Variants in TP53INP1 observed in about 807,000 individuals in gnomAD.
TP53INP1 encodes tumor protein p53-inducible nuclear protein 1.
Under a neutral mutation model 21.0 loss-of-function variants are expected in TP53INP1, and 12 were observed. The ratio of observed to expected loss-of-function variants is 0.57; its 90% CI spans 0.37 to 0.93. The LOEUF (loss-of-function observed/expected upper bound fraction) is 0.93. TP53INP1 is among the 40% of genes least tolerant of loss of function. TP53INP1 has a pLI of 0.01. For missense variants in TP53INP1, 274 were observed against 294.7 expected, an observed-to-expected ratio of 0.93 and a Z score of 0.51; for synonymous variants, 91 against 94.8, an observed-to-expected ratio of 0.96 and a Z score of 0.23.
intron 3 of TP53INP1, chr8:94,939,657 C>T (rs1563730092): frequency 1.4e-6 from 1 of 720,610 alleles, no homozygotes; most frequent in African/African-American, 1.8e-5. Context: ...CTTGGCCTCC[C>T]AAAGTGCTGG....
chr8:94,937,003 C>A (rs1586720662), intron 3 of TP53INP1, among the ~76,000 whole-genome samples: 1 of 152,194 alleles, frequency 6.6e-6, no homozygotes, highest in East Asian at 1.9e-4. Flanking sequence ...TGCTGGTAGC[C>A]CTGGGGAGCT....
chr8:94,939,347 T>C (rs551971898), intron 3 of TP53INP1, among the ~76,000 whole-genome samples: 4 of 152,344 alleles, frequency 2.6e-5, no homozygotes, highest in African/African-American at 9.6e-5. Flanking sequence ...AGAATGCTAT[T>C]ATATAACTGG....
intron 3 of TP53INP1, among the ~76,000 whole-genome samples, chr8:94,935,185 A>C (rs1293007339): frequency 6.6e-6 from 1 of 152,098 alleles, no homozygotes; most frequent in Non-Finnish European, 1.5e-5. Context: ...ATAATACAAT[A>C]CTTTTCTTAG....
At chr8:94,940,287 C>T in intron 2 of TP53INP1, 67 bp from the exon 3 acceptor site, 1 of 1,511,632 alleles carries the variant, frequency 6.6e-7, no homozygotes, top group South Asian at 1.3e-5. Context: ...ATGATTATCA[C>T]ATTGGGCAGT....
intron 1 of TP53INP1, among the ~76,000 whole-genome samples, chr8:94,943,421 A>G (rs909521204): frequency 6.6e-6 from 1 of 152,200 alleles, no homozygotes; most frequent in African/African-American, 2.4e-5. Context: ...TCCAGGTTCA[A>G]GGATGCAGTA....
At chr8:94,947,786 G>C (rs1028929846) in intron 1 of TP53INP1, among the ~76,000 whole-genome samples, 1 of 152,240 alleles carries the variant, frequency 6.6e-6, no homozygotes, top group African/African-American at 2.4e-5. Flanking sequence ...GCAATGGCAG[G>C]AAAGAACAAA....
At chr8:94,932,032 A>T in intron 3 of TP53INP1, 2 of 1,593,918 alleles carry the variant, frequency 1.3e-6, no homozygotes, top group Non-Finnish European at 1.7e-6. Flanking sequence ...CTCCCTATGC[A>T]TACATATATC....
Position 94,940,010 on chromosome 8 carries a change from C to T in TP53INP1, c.323G>A (p.Gly108Glu), listed in dbSNP as rs1250818876. ...ITPPPCFTAG[G>E]LTTIKVETSP... Reference sequence around the variant, plus strand: ...TGTTTCCACCTTGATAGTGGTTAATCCACCTGCAGTAAAACATGGGGGTGG... The same window carrying T: ...TGTTTCCACCTTGATAGTGGTTAATTCACCTGCAGTAAAACATGGGGGTGG... The change falls in exon 3 of 4, where the codon GGA becomes GAA. Residue 108 changes from glycine to glutamate, a missense_variant. By Grantham distance (98) the Gly-to-Glu change is moderately conservative. Coordinates refer to ENST00000342697, the MANE Select transcript of TP53INP1 (RefSeq NM_033285.4). The T allele has an allele frequency of 6.2e-7, 1 of 1,614,054 alleles. No homozygotes were observed. The highest frequency in any genetic ancestry group is 1.3e-5 in the African/African-American group (1 of 74,918).
chr8:94,938,017 A>G (rs1451318065), intron 3 of TP53INP1, among the ~76,000 whole-genome samples: 3 of 152,218 alleles, frequency 2.0e-5, no homozygotes, highest in African/African-American at 7.2e-5. Flanking sequence ...ATGAAGAGAA[A>G]GAAGATAAAA....
chr8:94,930,983 T>A (rs1017327493), intron 3 of TP53INP1, among the ~76,000 whole-genome samples: 1 of 152,220 alleles, frequency 6.6e-6, no homozygotes, highest in South Asian at 2.1e-4. Context: ...TTTCTAAAAA[T>A]ACACTTTAAA....
chr8:94,931,587 T>TACACACACACACAC (rs557721378), intron 3 of TP53INP1, among the ~76,000 whole-genome samples: 2 of 68,532 alleles, frequency 2.9e-5, no homozygotes, highest in African/African-American at 6.8e-5. Context: ...ACATATTTAT[T>TACACACACACACAC]ACACACACAC....
intron 1 of TP53INP1, among the ~76,000 whole-genome samples, chr8:94,943,064 G>A (rs4735334): frequency 0.65 from 98,551 of 152,076 alleles, 32,688 homozygotes; most frequent in East Asian, 0.79. Context: ...AAATTGGGGG[G>A]ATATGCAAAA....
rs1820063418 is a variant in TP53INP1, at chr8:94,928,164, T to G, written c.*2315A>C. Reference sequence around the variant, plus strand: ...ACCTTGAAAAAAAGCCCAACGAATGTAATTTTTTGTTTTCTAGGTACAAAG... The same window carrying G: ...ACCTTGAAAAAAAGCCCAACGAATGGAATTTTTTGTTTTCTAGGTACAAAG... On this transcript the variant is annotated 3_prime_UTR_variant, in exon 4 of 4. Transcript: ENST00000342697. The G allele has an allele frequency of 6.6e-6, 1 of 152,104 alleles. No homozygotes were observed. Among genetic ancestry groups the G allele is most frequent in the Non-Finnish European group, 1.5e-5 (1 of 68,016 alleles). The allele number at this position is 152,104 out of a possible 1,614,324, so 9.4% of individuals were successfully genotyped here. A position where few individuals can be genotyped will look rare whatever the true frequency, so the allele number is the denominator to read the frequency against.
chr8:94,935,619 C>T (rs937268300), intron 3 of TP53INP1, among the ~76,000 whole-genome samples: 9 of 152,158 alleles, frequency 5.9e-5, no homozygotes, highest in African/African-American at 2.2e-4. Context: ...CTCTCCTACA[C>T]AAGTGGGTAA....
chr8:94,939,055 G>GA (rs1332090191), intron 3 of TP53INP1, among the ~76,000 whole-genome samples: 4 of 152,262 alleles, frequency 2.6e-5, no homozygotes, highest in Non-Finnish European at 4.4e-5. Context: ...CTGGTGTGTG[G>GA]AAAAAACCCA....
chr8:94,927,860 T>C lies in TP53INP1; in HGVS notation c.*2619A>G, dbSNP rs1820035432. The C allele has an allele frequency of 6.6e-6, 1 of 152,446 alleles. No homozygotes were observed. Among genetic ancestry groups the C allele is most frequent in the Non-Finnish European group, 1.5e-5 (1 of 68,012 alleles). The allele number at this position is 152,446 out of a possible 1,614,324, so 9.4% of individuals were successfully genotyped here. On this transcript the variant is annotated 3_prime_UTR_variant, in exon 4 of 4. Coordinates refer to ENST00000342697, the MANE Select transcript of TP53INP1 (RefSeq NM_033285.4). ...GAGGTCTTATTTCTCACTGCTTGCA[T>C]TTTAAAGAAATATGTCTAAAGCGCA...
At chr8:94,943,727 G>C (rs1477963754) in intron 1 of TP53INP1, among the ~76,000 whole-genome samples, 1 of 152,186 alleles carries the variant, frequency 6.6e-6, no homozygotes, top group East Asian at 1.9e-4. Flanking sequence ...TACTACACAA[G>C]TTAAACATTT....
chr8:94,943,778 C>A (rs1296465385), intron 1 of TP53INP1, among the ~76,000 whole-genome samples: 1 of 152,194 alleles, frequency 6.6e-6, no homozygotes, highest in Non-Finnish European at 1.5e-5. Context: ...CACAATTCAT[C>A]TTCTTCAGCC....
In TP53INP1 at chr8:94,929,608, C is replaced by T. The variant is rs542797499; in HGVS notation, c.*871G>A. The T allele has an allele frequency of 6.6e-6, 1 of 152,252 alleles. No individual in the cohort carries two copies. The highest frequency in any genetic ancestry group is 2.1e-4 in the South Asian group (1 of 4,830). The allele number at this position is 152,252 out of a possible 1,614,324, so 9.4% of individuals were successfully genotyped here. On this transcript the variant is annotated 3_prime_UTR_variant, in exon 4 of 4. Transcript: ENST00000342697. ...ATGGGCAGAGAGAAATATGAAGTCA[C>T]TTGAGTGCCTGGACAAGTACTTCCA...
Sources: gnomAD v4.1 joint callset for allele counts (sites outside exome capture counted in the v4.1 genomes callset) on GRCh38, gnomAD v4.1.1 for gene constraint, MANE v1.5 for transcripts, NCBI Gene and HGNC (gene_info 2026-07-23, HGNC 2026-07-21) for gene names.